FRMD4A: variants seen among roughly 807,000 people sequenced by gnomAD.
FRMD4A encodes the protein FERM domain containing 4A, also known as FERM domain-containing protein 4A.
FRMD4A carries 29 observed loss-of-function variants against 129.1 expected under a neutral mutation model. The observed-to-expected ratio is 0.22, with a 90% CI of 0.17 to 0.31. The LOEUF (loss-of-function observed/expected upper bound fraction) is 0.31. FRMD4A is among the 10% of genes least tolerant of loss of function. FRMD4A has a pLI of 1.00. For synonymous variants in FRMD4A, 634 were observed against 571.6 expected, an observed-to-expected ratio of 1.11 and a Z score of -1.56; for missense variants, 1,272 against 1,375.8, an observed-to-expected ratio of 0.92 and a Z score of 1.19.
chr10:13,994,175 ATTTT>A (rs549621959), intron 2 of FRMD4A, among the ~76,000 whole-genome samples: 16 of 101,962 alleles, frequency 1.6e-4, no homozygotes, highest in African/African-American at 6.5e-4. Context: ...CGCCCAGCTA[ATTTT>A]TTTTTTTTTT....
chr10:14,198,336 T>C lies in FRMD4A; in HGVS notation c.45+131722A>G, dbSNP rs542074973. ...GACATCGGGCTGGAGAGACCTGGGA[T>C]GTTGAGGCAACTGCCATGCAATTGC... On this transcript the variant is annotated intron_variant, in intron 2 of 24. Transcript: ENST00000357447. Among the ~76,000 whole-genome samples the C allele has an allele frequency of 1.6e-3, 239 of 152,282 alleles. 1 individual carries two copies. The highest frequency in any genetic ancestry group is 5.4e-3 in the African/African-American group (226 of 41,546).
chr10:13,831,377 G>T (rs893339523), intron 3 of FRMD4A, among the ~76,000 whole-genome samples: 2 of 152,174 alleles, frequency 1.3e-5, no homozygotes, highest in Non-Finnish European at 2.9e-5. Flanking sequence ...GAGCGTAGGA[G>T]TTTGAGGCCT....
At chr10:13,946,608 CTT>C (rs781607667) in intron 2 of FRMD4A, among the ~76,000 whole-genome samples, 1 of 152,144 alleles carries the variant, frequency 6.6e-6, no homozygotes, top group African/African-American at 2.4e-5. Flanking sequence ...ATTGCCCAAT[CTT>C]TTCTTTTTTT....
chr10:13,725,353 G>A (rs2089811026), intron 12 of FRMD4A, among the ~76,000 whole-genome samples: 1 of 152,136 alleles, frequency 6.6e-6, no homozygotes, highest in Non-Finnish European at 1.5e-5. Context: ...GACAACTTGG[G>A]GAGATTCTTG....
At chr10:13,888,078 A>G (rs1164035269) in intron 2 of FRMD4A, among the ~76,000 whole-genome samples, 1 of 152,228 alleles carries the variant, frequency 6.6e-6, no homozygotes, top group African/African-American at 2.4e-5. Flanking sequence ...CCAAAGTTCC[A>G]AGAGCTATTG....
intron 2 of FRMD4A, among the ~76,000 whole-genome samples, chr10:14,208,892 C>A (rs200964001): frequency 1.3e-5 from 2 of 152,122 alleles, no homozygotes; most frequent in East Asian, 1.9e-4. Context: ...GCTCCCTGAA[C>A]TTTTTCCCCT....
At chr10:13,793,659 T>TGGG (rs2093051891) in intron 5 of FRMD4A, among the ~76,000 whole-genome samples, 1 of 152,190 alleles carries the variant, frequency 6.6e-6, no homozygotes, top group South Asian at 2.1e-4. Context: ...CAACCGTGCT[T>TGGG]CTGTTTAGAA....
chr10:14,303,720 G>C (rs1846259340), intron 2 of FRMD4A, among the ~76,000 whole-genome samples: 1 of 152,164 alleles, frequency 6.6e-6, no homozygotes, highest in African/African-American at 2.4e-5. Context: ...AGTTAGGGGA[G>C]TCTGGTATAT....
At chr10:14,189,823 T>C (rs561381545) in intron 2 of FRMD4A, among the ~76,000 whole-genome samples, 1 of 152,350 alleles carries the variant, frequency 6.6e-6, no homozygotes, top group Non-Finnish European at 1.5e-5. Context: ...CTCAGCCTGA[T>C]GCTCATTAAT....
chr10:14,011,516 C>T (rs1370894797), intron 2 of FRMD4A, among the ~76,000 whole-genome samples: 1 of 152,136 alleles, frequency 6.6e-6, no homozygotes, highest in African/African-American at 2.4e-5. Flanking sequence ...AATGCCTGGC[C>T]CTTCTTTCCA....
At chr10:14,107,314 G>A (rs564811053) in intron 2 of FRMD4A, among the ~76,000 whole-genome samples, 16 of 152,214 alleles carry the variant, frequency 1.1e-4, no homozygotes, top group Middle Eastern at 3.4e-3. Context: ...CAATATACCT[G>A]TGTAACAAAC....
At chr10:14,100,488 C>T (rs1484645152) in intron 2 of FRMD4A, among the ~76,000 whole-genome samples, 16 of 152,088 alleles carry the variant, frequency 1.1e-4, no homozygotes, top group Admixed American at 1.0e-3. Context: ...TTTCAAATGA[C>T]TTTTCCACCC....
At chr10:13,976,034 A>T (rs987403905) in intron 2 of FRMD4A, among the ~76,000 whole-genome samples, 34 of 152,162 alleles carry the variant, frequency 2.2e-4, no homozygotes, top group African/African-American at 8.0e-4. Context: ...GGACAGAGTG[A>T]CCTCTTGGTG....
At chr10:14,270,543 G>A (rs1845129721) in intron 2 of FRMD4A, among the ~76,000 whole-genome samples, 1 of 152,176 alleles carries the variant, frequency 6.6e-6, no homozygotes, top group African/African-American at 2.4e-5. Flanking sequence ...GACCATAGCT[G>A]CAGAAGTCAG....
chr10:13,714,756 C>A (rs535315790), intron 12 of FRMD4A, among the ~76,000 whole-genome samples: 21 of 152,226 alleles, frequency 1.4e-4, no homozygotes, highest in African/African-American at 4.8e-4. Context: ...TGCCGCACTG[C>A]AGGCTGGGCA....
intron 2 of FRMD4A, among the ~76,000 whole-genome samples, chr10:13,986,689 G>GA (rs56326657): frequency 0.23 from 32,124 of 139,838 alleles, 4,553 homozygotes; most frequent in East Asian, 0.59. Context: ...TAAATATAAG[G>GA]AAAAAAAAAA....
chr10:13,750,781 C>A (rs1271228471), intron 8 of FRMD4A, among the ~76,000 whole-genome samples: 1 of 152,146 alleles, frequency 6.6e-6, no homozygotes, highest in East Asian at 1.9e-4. Context: ...GACAGCAGGA[C>A]AGCACCTGGT....
intron 24 of FRMD4A, chr10:13,649,347 CCTAA>C (rs780060641): frequency 7.8e-6 from 1 of 127,538 alleles, no homozygotes; most frequent in Non-Finnish European, 1.9e-5. Flanking sequence ...ATGTGAAGAG[CCTAA>C]CTGTTGGCTG....
At chr10:14,021,818 A>C (rs560789065) in intron 2 of FRMD4A, among the ~76,000 whole-genome samples, 1 of 152,244 alleles carries the variant, frequency 6.6e-6, no homozygotes, top group South Asian at 2.1e-4. Flanking sequence ...CAAATTACAA[A>C]CAAAAAAGAG....
Sources: allele counts gnomAD v4.1 joint callset (sites outside exome capture counted in the v4.1 genomes callset), GRCh38; gene constraint gnomAD v4.1.1; transcripts MANE v1.5; gene names NCBI Gene and HGNC (gene_info 2026-07-23, HGNC 2026-07-21).